LOXHD1: variants seen among roughly 807,000 people sequenced by gnomAD.
LOXHD1 encodes the protein lipoxygenase homology domain-containing protein 1.
In LOXHD1, 205 loss-of-function variants were observed where a neutral mutation model predicts 248.2. That is an observed-to-expected ratio of 0.83 (90% CI 0.74 to 0.93). The LOEUF (loss-of-function observed/expected upper bound fraction) is 0.93. Among genes scored for constraint, LOXHD1 ranks in the 40% least tolerant of loss-of-function variants. The pLI is 0.00. For synonymous variants in LOXHD1, 1,113 were observed against 1,162.8 expected (o/e 0.96, Z 0.87); for missense variants, 2,930 against 2,971.6 (o/e 0.99, Z 0.33).
chr18:46,620,289 G>A (rs1342069337), intron 4 of LOXHD1, among the ~76,000 whole-genome samples: 1 of 152,180 alleles, frequency 6.6e-6, no homozygotes. Flanking sequence ...TCACTTCACA[G>A]AGGCAAGACC....
chr18:46,533,703 T>C, intron 27 of LOXHD1: 1 of 326,398 alleles, frequency 3.1e-6, no homozygotes, highest in South Asian at 2.5e-5. Context: ...GCGGGTGGAT[T>C]ACCTGATGTC....
Position 46,579,624 on chromosome 18 carries a change from A to G in LOXHD1, c.1809+6T>C, listed in dbSNP as rs1017357413. 21 of 1,551,580 alleles carry G rather than the reference A, an allele frequency of 1.4e-5. No individual in the cohort carries two copies. The highest frequency in any genetic ancestry group is 1.7e-5 in the Non-Finnish European group (19 of 1,146,970). On this transcript the variant is annotated splice_donor_region_variant and intron_variant, in intron 13 of 40. Coordinates refer to ENST00000642948, the MANE Select transcript of LOXHD1 (RefSeq NM_001384474.1). ...GGGATGAGTGGGGCACATTGCTGTA[A>G]CTTACATTGCCCTTTTCAAACAGGT...
At chr18:46,513,107 A>G (rs1004726594) in intron 34 of LOXHD1, among the ~76,000 whole-genome samples, 4 of 152,228 alleles carry the variant, frequency 2.6e-5, no homozygotes, top group African/African-American at 7.2e-5. Context: ...GAGAACTGTC[A>G]AGATTTAATT....
chr18:46,589,212 G>A (rs2038119083), intron 12 of LOXHD1, among the ~76,000 whole-genome samples: 1 of 152,184 alleles, frequency 6.6e-6, no homozygotes, highest in African/African-American at 2.4e-5. Context: ...CACGCCCCAG[G>A]AGCAGTGTTT....
chr18:46,616,880 A>C (rs1239257859), intron 5 of LOXHD1, among the ~76,000 whole-genome samples: 1 of 152,230 alleles, frequency 6.6e-6, no homozygotes, highest in Non-Finnish European at 1.5e-5. Context: ...GTTTCCTTTT[A>C]AAATATTTCC....
Position 46,482,878 on chromosome 18 carries a change from C to T in LOXHD1, c.6341+709G>A, listed in dbSNP as rs74360884. On this transcript the variant is annotated intron_variant, in intron 40 of 40. Coordinates refer to ENST00000642948, the MANE Select transcript of LOXHD1 (RefSeq NM_001384474.1). The stretch of plus-strand genomic sequence containing the variant: ...GCTATGTACTCAGCTTTCACTTACC[C>T]TTTGGCAAGCCTTGATCTTGGATTC... Among the ~76,000 whole-genome samples the T allele has an allele frequency of 5.6e-4, 86 of 152,310 alleles. 3 individuals are homozygous for T. The East Asian group carries it at 0.016, about 28-fold the overall frequency.
Position 46,563,171 on chromosome 18 carries a change from C to T in LOXHD1, c.2492G>A (p.Ser831Asn), listed in dbSNP as rs1311982818. ...ATAGATCTGCATGTAGACTCGGGCA[C>T]TGGTGCCTGCGCCACCCACATCTCC... ...WTGDVGGAGT[S>N]ARVYMQIYGE... The change falls in exon 18 of 41, where the codon AGT becomes AAT. Residue 831 changes from serine (S) to asparagine (N), a missense_variant. By Grantham distance (46) the Ser-to-Asn change is conservative. Transcript: ENST00000642948. 3.3e-6 allele frequency: 5 copies of T among 1,530,224 alleles called. No homozygotes were observed. Among genetic ancestry groups the T allele is most frequent in the Non-Finnish European group, 4.4e-6 (5 of 1,129,138 alleles). The allele number at this position is 1,530,224 out of a possible 1,614,324, so 94.8% of individuals were successfully genotyped here.
At chr18:46,572,275 G>T in intron 14 of LOXHD1, 113 bp from the exon 15 acceptor site, 1 of 935,420 alleles carries the variant, frequency 1.1e-6, no homozygotes, top group Non-Finnish European at 1.7e-6. Flanking sequence ...CTTTAGCAAA[G>T]TGAAATGATT....
intron 35 of LOXHD1, 124 bp downstream of exon 35, chr18:46,509,574 G>A (rs1568114369): frequency 1.3e-6 from 1 of 753,176 alleles, no homozygotes; most frequent in African/African-American, 1.7e-5. Context: ...CATATGGGCT[G>A]GGTTCATGTA....
At chr18:46,553,695 G>A (rs2037201466) in intron 21 of LOXHD1, among the ~76,000 whole-genome samples, 1 of 152,202 alleles carries the variant, frequency 6.6e-6, no homozygotes, top group Non-Finnish European at 1.5e-5. Flanking sequence ...CTATTGTGGG[G>A]AGATGAGCAG....
In LOXHD1 at chr18:46,477,610, G is replaced by A. The variant is rs2143417127; in HGVS notation, c.6684C>T (p.Tyr2228=). 6.4e-7 allele frequency: 1 copy of A among 1,551,752 alleles called. No homozygotes were observed. Among genetic ancestry groups the A allele is most frequent in the African/African-American group, 1.4e-5 (1 of 73,202 alleles). The change falls in exon 41 of 41, where the codon TAC becomes TAT. Residue 2228 remains tyrosine, a synonymous_variant. Transcript: ENST00000642948. ...KVRLEHDSSG[Y]CSGWLVEKVE... is the part of the protein sequence containing the mutation. The stretch of plus-strand genomic sequence containing the variant: ...CCTTCTCCACCAGCCAGCCTGAGCA[G>A]TAGCCACTGCTGTCGTGCTCCAGGC...
intron 8 of LOXHD1, 140 bp downstream of exon 8, chr18:46,601,077 C>T: frequency 8.4e-7 from 1 of 1,189,740 alleles, no homozygotes; most frequent in Non-Finnish European, 1.1e-6. Context: ...ACGTAACCAC[C>T]CAAAATGCCC....
chr18:46,610,875 T>C lies in LOXHD1; in HGVS notation c.660A>G (p.Glu220=). The change falls in exon 6 of 41, where the codon GAA becomes GAG. Residue 220 remains glutamate (E), a synonymous_variant. Coordinates refer to ENST00000642948, the MANE Select transcript of LOXHD1 (RefSeq NM_001384474.1). ...NEKDNFEKGA[E]DRFILDAPDL... is the part of the protein sequence containing the mutation. ...CCGGGGCATCCAGGATGAACCTGTC[T>C]TCAGCTCCCTTTTCAAAGTTGTCCT... 6.4e-7 allele frequency: 1 copy of C among 1,551,836 alleles called. No individual in the cohort carries two copies. The highest frequency in any genetic ancestry group is 8.7e-7 in the Non-Finnish European group (1 of 1,147,018).
chr18:46,544,293 C>T (rs1386167305), intron 23 of LOXHD1, among the ~76,000 whole-genome samples: 1 of 152,192 alleles, frequency 6.6e-6, no homozygotes. Flanking sequence ...AAGGACAGGT[C>T]TTAGTCCCTT....
intron 4 of LOXHD1, among the ~76,000 whole-genome samples, chr18:46,621,009 G>A (rs1019848422): frequency 6.6e-6 from 1 of 152,166 alleles, no homozygotes; most frequent in African/African-American, 2.4e-5. Context: ...GACCAGGGCT[G>A]GTGGAAAGGA....
chr18:46,649,006 CG>C, intron 2 of LOXHD1, 148 bp downstream of exon 2: 3 of 663,992 alleles, frequency 4.5e-6, no homozygotes, highest in Non-Finnish European at 8.0e-6. Context: ...AGCTGGTACA[CG>C]GTCTGTCATT....
chr18:46,499,932 G>T (rs1457708152), intron 37 of LOXHD1, among the ~76,000 whole-genome samples: 1 of 152,012 alleles, frequency 6.6e-6, no homozygotes, highest in South Asian at 2.1e-4. Flanking sequence ...ATTTATGTCC[G>T]GGAAACTATG....
At chr18:46,584,642 T>G (rs1215827442) in intron 12 of LOXHD1, among the ~76,000 whole-genome samples, 2 of 152,056 alleles carry the variant, frequency 1.3e-5, no homozygotes, top group African/African-American at 4.8e-5. Flanking sequence ...TATCAAACAC[T>G]CAGAGAAGAA....
At chr18:46,637,141 C>T (rs560476279) in intron 4 of LOXHD1, among the ~76,000 whole-genome samples, 1 of 146,590 alleles carries the variant, frequency 6.8e-6, no homozygotes, top group African/African-American at 2.5e-5. Context: ...AGGGAAACTC[C>T]GCCTCAAAAC....
Sources: allele counts gnomAD v4.1 joint callset (sites outside exome capture counted in the v4.1 genomes callset), GRCh38; gene constraint gnomAD v4.1.1; transcripts MANE v1.5; gene names NCBI Gene and HGNC (gene_info 2026-07-23, HGNC 2026-07-21).